The following MTCL1 variants were observed in gnomAD, a reference collection of about 807,000 sequenced individuals.
MTCL1 encodes the protein microtubule crosslinking factor 1.
MTCL1 carries 79 observed loss-of-function variants against 141.4 expected under a neutral mutation model. The ratio of observed to expected loss-of-function variants is 0.56; its 90% confidence interval spans 0.47 to 0.67. MTCL1 has a LOEUF of 0.67. Among genes scored for constraint, MTCL1 ranks in the 30% least tolerant of loss-of-function variants. The pLI, the probability that MTCL1 is intolerant of heterozygous loss-of-function variation, is 0.00. For missense variants in MTCL1, 2,177 were observed against 2,113.9 expected, an observed-to-expected ratio of 1.03 and a Z score of -0.59; for synonymous variants, 914 against 875.8, an observed-to-expected ratio of 1.04 and a Z score of -0.77.
intron 11 of MTCL1, 23 bp from the exon 11 acceptor site, chr18:8,812,956 C>G: frequency 6.3e-7 from 1 of 1,596,790 alleles, no homozygotes. Context: ...AGAGGGAATT[C>G]CTAAGTCTCT....
chr18:8,822,375 A>T lies in MTCL1; in HGVS notation c.3188+877A>T, dbSNP rs1186055449. Among the ~76,000 whole-genome samples, 1 of 152,038 alleles carries T rather than the reference A, an allele frequency of 6.6e-6. No homozygotes were observed. Among genetic ancestry groups the T allele is most frequent in the Admixed American group, 6.5e-5 (1 of 15,272 alleles). ...AGTGGCACAATCTTGGCTCACTGCA[A>T]CCTCTGCCCCCTGGGTTCAAGCAAT... On this transcript the variant is annotated intron_variant, in intron 14 of 16. Transcript: ENST00000359865. This position sits in a 1 kb window ranked among gnomAD's most constrained non-coding sequence, Gnocchi z 4.6.
At position 8,830,895 on chromosome 18, in the gene MTCL1, T is replaced by C; in HGVS notation, c.*19-712T>C. 4 of 985,532 alleles carry C rather than the reference T, an allele frequency of 4.1e-6. No individual in the cohort carries two copies. Among genetic ancestry groups the C allele is most frequent in the Non-Finnish European group, 4.8e-6 (4 of 829,978 alleles). 61.0% of individuals were successfully genotyped at this position (985,532 alleles called of 1,614,324 possible). A position where few individuals can be genotyped will look rare whatever the true frequency, so the allele number is the denominator to read the frequency against. On this transcript the variant is annotated intron_variant, in intron 16 of 16. Coordinates refer to ENST00000359865, the Ensembl canonical transcript of MTCL1. This position sits in a 1 kb window ranked among gnomAD's most constrained non-coding sequence, Gnocchi z 6.4. ...GGTGATTTGCACATGGTTGAGTGTGTCTTGCATCACCTGCTCGCAGAACAT... is the reference window on the plus strand; with the variant it reads ...GGTGATTTGCACATGGTTGAGTGTGCCTTGCATCACCTGCTCGCAGAACAT...
At position 8,830,778 on chromosome 18, in the gene MTCL1, A is replaced by ACATG. The variant is rs2077170415; in HGVS notation, c.*19-829_*19-828insCATG. 1 of 985,288 alleles carries ACATG rather than the reference A, an allele frequency of 1.0e-6. No individual in the cohort carries two copies. Among genetic ancestry groups the ACATG allele is most frequent in the Non-Finnish European group, 1.2e-6 (1 of 829,938 alleles). 61.0% of individuals were successfully genotyped at this position (985,288 alleles called of 1,614,324 possible). The stretch of plus-strand genomic sequence containing the variant: ...TTTTTACATTTCTGTGTATCAGCAA[A>ACATG]TTCCAAATTTGGGTGTCCTGGTTTT... On this transcript the variant is annotated intron_variant, in intron 16 of 16. Coordinates refer to ENST00000359865, the Ensembl canonical transcript of MTCL1. This position sits in a 1 kb window ranked among gnomAD's most constrained non-coding sequence, Gnocchi z 6.4.
intron 1 of MTCL1, among the ~76,000 whole-genome samples, chr18:8,711,144 G>T (rs1484225901): frequency 6.6e-6 from 1 of 150,982 alleles, no homozygotes. Flanking sequence ...GCGGTGTTTG[G>T]TTTTTTGTTC....
rs2077161139 is a variant in MTCL1, at chr18:8,830,444, G to A, written c.*19-1163G>A. On this transcript the variant is annotated intron_variant, in intron 16 of 16. Coordinates refer to ENST00000359865, the Ensembl canonical transcript of MTCL1. This position sits in a 1 kb window ranked among gnomAD's most constrained non-coding sequence, Gnocchi z 6.4. Reference sequence around the variant, plus strand: ...TCTGGAAGCCTGTGGCTCCCACGCTGTCCTCGGGCCATGCTGTCTCTGCCG... The same window carrying A: ...TCTGGAAGCCTGTGGCTCCCACGCTATCCTCGGGCCATGCTGTCTCTGCCG... 7 of 985,608 alleles carry A rather than the reference G, an allele frequency of 7.1e-6. No individual in the cohort carries two copies. The highest frequency in any genetic ancestry group is 8.4e-6 in the Non-Finnish European group (7 of 830,060). 61.1% of individuals were successfully genotyped at this position (985,608 alleles called of 1,614,324 possible). A position where few individuals can be genotyped will look rare whatever the true frequency, so the allele number is the denominator to read the frequency against.
intron 10 of MTCL1, 129 bp from the exon 10 acceptor site, chr18:8,806,764 C>A: frequency 2.5e-5 from 19 of 761,362 alleles, no homozygotes; most frequent in East Asian, 9.6e-5. Context: ...TCCCCACCCA[C>A]CCTGCACCCA....
chr18:8,783,782 A>C, exon 6 of MTCL1: 2 of 1,613,292 alleles, frequency 1.2e-6, no homozygotes, highest in Non-Finnish European at 1.7e-6. Context: ...CTTGGGCCGG[A>C]AGATCGTGGA....
chr18:8,728,717 A>ATTTTTTTT (rs1598410920), intron 4 of MTCL1, among the ~76,000 whole-genome samples: 4 of 68,050 alleles, frequency 5.9e-5, no homozygotes, highest in African/African-American at 1.2e-4. Flanking sequence ...TATGTTGTCC[A>ATTTTTTTT]TTCTTTTTTT....
intron 4 of MTCL1, among the ~76,000 whole-genome samples, chr18:8,746,530 T>C (rs1474193883): frequency 1.3e-5 from 2 of 152,218 alleles, no homozygotes; most frequent in Non-Finnish European, 2.9e-5. Context: ...TGGATTTGAA[T>C]CTAGAAACCC....
At chr18:8,784,717 C>T (rs1427836187) in exon 6 of MTCL1, 3 of 1,614,226 alleles carry the variant, frequency 1.9e-6, no homozygotes, top group Admixed American at 3.3e-5. Context: ...AGGTGAACCG[C>T]ATTGGGGATG....
intron 7 of MTCL1, chr18:8,786,295 T>A: frequency 1.4e-6 from 1 of 713,030 alleles, no homozygotes; most frequent in Non-Finnish European, 2.5e-6. Context: ...TGAACTGCTG[T>A]GCTCGTCAGA....
intron 11 of MTCL1, chr18:8,811,303 A>G (rs2076475167): frequency 6.6e-6 from 1 of 152,278 alleles, no homozygotes; most frequent in African/African-American, 2.4e-5. Flanking sequence ...TCTTAAAGAA[A>G]TAATAGAGGG....
rs145848170 is a variant in MTCL1, at chr18:8,720,102, G to A, written c.199-236G>A. ...ACTTTAGTGACACTAAGGTTAGCAC[G>A]TTCTGATAATGCACCACCATCAGAC... On this transcript the variant is annotated intron_variant, in intron 3 of 16. Transcript: ENST00000359865. 1.2e-3 allele frequency: 565 copies of A among 456,502 alleles called. 6 individuals carry two copies. The highest frequency in any genetic ancestry group is 0.01 in the African/African-American group (523 of 51,222). 28.3% of individuals were successfully genotyped at this position (456,502 alleles called of 1,614,324 possible). A position where few individuals can be genotyped will look rare whatever the true frequency, so the allele number is the denominator to read the frequency against.
chr18:8,785,779 C>T (rs890809672), intron 6 of MTCL1, 157 bp from the exon 6 acceptor site: 1 of 817,770 alleles, frequency 1.2e-6, no homozygotes, highest in Non-Finnish European at 1.9e-6. Flanking sequence ...TGTTTCTGTT[C>T]GTGCTGTTCT....
At chr18:8,789,498 C>G (rs1165535625) in intron 7 of MTCL1, 11 of 985,434 alleles carry the variant, frequency 1.1e-5, no homozygotes, top group Non-Finnish European at 1.3e-5. Context: ...TTGTAAGCCA[C>G]TTTCTCTGGA....
At chr18:8,721,696 T>A (rs117506073) in intron 4 of MTCL1, among the ~76,000 whole-genome samples, 5,253 of 152,230 alleles carry the variant, frequency 0.035, 114 homozygotes, top group South Asian at 0.059. Flanking sequence ...CTGTTCACCT[T>A]CCCATCTGAC....
At chr18:8,805,794 T>C (rs561345859) in intron 10 of MTCL1, among the ~76,000 whole-genome samples, 6 of 152,318 alleles carry the variant, frequency 3.9e-5, no homozygotes, top group Middle Eastern at 6.8e-3. Context: ...GAGACCGCCC[T>C]GAGAGCTTGT....
intron 7 of MTCL1, 30 bp downstream of exon 6, chr18:8,786,121 C>CCACT (rs77750731): frequency 2.7e-6 from 4 of 1,469,514 alleles, no homozygotes; most frequent in Non-Finnish European, 3.7e-6. Context: ...CCCCCCCCCC[C>CCACT]GCCCTCCCCC....
At chr18:8,744,812 A>G (rs2096326472) in intron 4 of MTCL1, among the ~76,000 whole-genome samples, 2 of 152,132 alleles carry the variant, frequency 1.3e-5, no homozygotes, top group African/African-American at 4.8e-5. Flanking sequence ...TCTTGTTGCA[A>G]GGATGTGGGT....
Sources: gnomAD v4.1 joint callset for allele counts (sites outside exome capture counted in the v4.1 genomes callset) on GRCh38, gnomAD v4.1.1 for gene constraint, Gnocchi (gnomAD v3.1) non-coding constraint, MANE v1.5 for transcripts, NCBI Gene and HGNC (gene_info 2026-07-23, HGNC 2026-07-21) for gene names.